Variants in PLXNC1 observed in about 807,000 individuals in gnomAD.
The protein encoded by PLXNC1 is plexin-C1.
PLXNC1 carries 75 observed loss-of-function variants against 178.2 expected under a neutral mutation model. The observed-to-expected ratio is 0.42, with a 90% CI of 0.35 to 0.51. The LOEUF is 0.51. Ranked by LOEUF, PLXNC1 falls within the 20% of genes least tolerant of loss-of-function variation. The pLI, the probability that PLXNC1 is intolerant of heterozygous loss-of-function variation, is 0.02. For synonymous variants in PLXNC1, 790 were observed against 779.9 expected (o/e 1.01, Z -0.22); for missense variants, 1,503 against 1,984.4 (o/e 0.76, Z 4.61).
chr12:94,305,030 A>AACAACTTGCAAAGTGAGTATGT (rs1968855274), intron 30 of PLXNC1, 151 bp from the exon 31 acceptor site: 4 of 602,600 alleles, frequency 6.6e-6, no homozygotes, highest in Non-Finnish European at 1.2e-5. Context: ...GACTTAGCAA[A>AACAACTTGCAAAGTGAGTATGT]ACAACTTGCA....
rs1964359775 is a variant in PLXNC1 at position 94,240,542 on chromosome 12, C to A, written c.2178C>A (p.Ser726Arg). 10 of 1,613,780 alleles carry A rather than the reference C, an allele frequency of 6.2e-6. No individual in the cohort carries two copies. The highest frequency in any genetic ancestry group is 1.3e-5 in the African/African-American group (1 of 74,904). ...ACATGAAATTCTCTCTTCCATCAAGCCGGAAAGAAATGAAGGATGTGTGTA... is the reference window on the plus strand; with the variant it reads ...ACATGAAATTCTCTCTTCCATCAAGACGGAAAGAAATGAAGGATGTGTGTA... ...DTHMKFSLPS[S>R]RKEMKDVCIQ... Residue 726 changes from serine (S) to arginine (R), a missense_variant, in exon 11 of 31, where the codon AGC (serine) becomes AGA (arginine). This residue lies in a region of PLXNC1 where 615 missense variants were observed against 698.6 expected (regional missense o/e 0.88). Coordinates refer to ENST00000258526, the MANE Select transcript of PLXNC1 (RefSeq NM_005761.3).
chr12:94,287,563 G>A lies in PLXNC1; in HGVS notation c.3879+5162G>A, dbSNP rs184848416. Among the ~76,000 whole-genome samples the A allele has an allele frequency of 2.1e-3, 323 of 152,298 alleles. 1 individual carries two copies. Among genetic ancestry groups the A allele is most frequent in the African/African-American group, 7.5e-3 (311 of 41,552 alleles). Reference sequence around the variant, plus strand: ...AAATTTTCTCTAAAGATTACACTTCGAGTTCTGAGCTGCAAGGTTTTGAGA... The same window carrying A: ...AAATTTTCTCTAAAGATTACACTTCAAGTTCTGAGCTGCAAGGTTTTGAGA... On this transcript the variant is annotated intron_variant, in intron 23 of 30. Coordinates refer to ENST00000258526, the MANE Select transcript of PLXNC1 (RefSeq NM_005761.3).
At chr12:94,245,505 AC>A (rs55935213) in intron 12 of PLXNC1, among the ~76,000 whole-genome samples, 57,550 of 151,838 alleles carry the variant, frequency 0.38, 12,143 homozygotes, top group South Asian at 0.48. Context: ...ACATAGTGAG[AC>A]CCCCATCTCT....
At chr12:94,163,312 C>T (rs1297048097) in intron 1 of PLXNC1, among the ~76,000 whole-genome samples, 6 of 151,982 alleles carry the variant, frequency 3.9e-5, no homozygotes, top group Non-Finnish European at 7.4e-5. Flanking sequence ...GAGCCGAGAT[C>T]GTGCCACTAC....
At chr12:94,210,594 A>G (rs1409100210) in intron 5 of PLXNC1, among the ~76,000 whole-genome samples, 2 of 152,242 alleles carry the variant, frequency 1.3e-5, no homozygotes, top group Non-Finnish European at 2.9e-5. Flanking sequence ...TTTCAGAGAA[A>G]TAGCAAGAAC....
chr12:94,214,853 G>T (rs907400314), intron 5 of PLXNC1, among the ~76,000 whole-genome samples: 1 of 151,888 alleles, frequency 6.6e-6, no homozygotes. Flanking sequence ...AGCTTAAGCC[G>T]TTCTTTGTAA....
At chr12:94,272,973 G>C (rs1440906928) in intron 21 of PLXNC1, among the ~76,000 whole-genome samples, 1 of 152,150 alleles carries the variant, frequency 6.6e-6, no homozygotes. Context: ...TCATCACCTT[G>C]GCTGGCCTCT....
chr12:94,193,352 T>C (rs192015779), intron 4 of PLXNC1, among the ~76,000 whole-genome samples: 27 of 152,158 alleles, frequency 1.8e-4, no homozygotes, highest in Non-Finnish European at 1.6e-4. Flanking sequence ...AGGGACTGAA[T>C]TAGAATGATA....
intron 11 of PLXNC1, among the ~76,000 whole-genome samples, chr12:94,243,109 A>G: frequency 6.6e-6 from 1 of 152,222 alleles, no homozygotes; most frequent in East Asian, 1.9e-4. Flanking sequence ...CATGAGGCCA[A>G]CTCAGCCCTT....
At chr12:94,230,229 C>G (rs1964061394) in intron 9 of PLXNC1, among the ~76,000 whole-genome samples, 2 of 152,202 alleles carry the variant, frequency 1.3e-5, no homozygotes. Flanking sequence ...GCTCTTTTAA[C>G]TCAACATAAT....
intron 2 of PLXNC1, among the ~76,000 whole-genome samples, chr12:94,175,612 T>C (rs1962022476): frequency 6.6e-6 from 1 of 152,238 alleles, no homozygotes; most frequent in Non-Finnish European, 1.5e-5. Context: ...AAACAATATG[T>C]TGACACGAAC....
chr12:94,172,072 T>C (rs1336987827), intron 2 of PLXNC1, among the ~76,000 whole-genome samples: 1 of 152,192 alleles, frequency 6.6e-6, no homozygotes, highest in African/African-American at 2.4e-5. Flanking sequence ...TTCAGAAGCT[T>C]TCAGCTTCTC....
chr12:94,220,183 T>G lies in PLXNC1; in HGVS notation c.1702+20T>G. The G allele has an allele frequency of 6.2e-7, 1 of 1,604,428 alleles. No individual in the cohort carries two copies. The highest frequency in any genetic ancestry group is 8.5e-7 in the Non-Finnish European group (1 of 1,175,216). The stretch of plus-strand genomic sequence containing the variant: ...ACAAAGGTATGTGGATTCTTCTGGG[T>G]TATTTTTGTTATAAAATCAAAAAAA... On this transcript the variant is annotated intron_variant, in intron 6 of 30. Transcript: ENST00000258526.
intron 2 of PLXNC1, among the ~76,000 whole-genome samples, chr12:94,170,157 CT>C (rs764471161): frequency 1.3e-5 from 2 of 152,214 alleles, no homozygotes; most frequent in Non-Finnish European, 2.9e-5. Context: ...AATGGTAGAT[CT>C]GTTTCCCTCA....
rs1253795216 is a variant in PLXNC1 at position 94,247,984 on chromosome 12, G to C, written c.2470G>C (p.Val824Leu). The C allele has an allele frequency of 6.2e-7, 1 of 1,614,170 alleles. No homozygotes were observed. Among genetic ancestry groups the C allele is most frequent in the East Asian group, 2.2e-5 (1 of 44,886 alleles). Residue 824 changes from valine (V) to leucine (L), a missense_variant, in exon 13 of 31, where the codon GTG becomes CTG. Physicochemically the swap from Val to Leu is conservative, Grantham distance 32. Around this residue, in one of 4 missense-constraint regions of PLXNC1, gnomAD observed 639 missense variants for 979.7 expected, o/e 0.65. Transcript: ENST00000258526. The part of the protein sequence containing the change: ...KSSKVRTNVT[V>L]KLRVQDTYLD... ...TTCAAAAGTGCGCACGAATGTCACT[G>C]TGAAGCTGAGAGTACAAGACACCTA...
At chr12:94,164,128 G>C (rs1189639583) in intron 1 of PLXNC1, among the ~76,000 whole-genome samples, 6 of 152,060 alleles carry the variant, frequency 3.9e-5, no homozygotes, top group Admixed American at 3.3e-4. Flanking sequence ...GCTCCTTCAG[G>C]GGTTTCCTAA....
At chr12:94,283,358 G>T (rs2136151443) in intron 23 of PLXNC1, among the ~76,000 whole-genome samples, 1 of 152,024 alleles carries the variant, frequency 6.6e-6, no homozygotes, top group East Asian at 1.9e-4. Flanking sequence ...ACTTGAGAGG[G>T]GCAATGGAGA....
chr12:94,298,266 C>T (rs1436989626), intron 26 of PLXNC1, among the ~76,000 whole-genome samples: 1 of 152,228 alleles, frequency 6.6e-6, no homozygotes, highest in Non-Finnish European at 1.5e-5. Flanking sequence ...AGCAGCATCA[C>T]TTGAGCTTTT....
chr12:94,177,075 G>A (rs1340092605), intron 2 of PLXNC1, among the ~76,000 whole-genome samples: 1 of 130,656 alleles, frequency 7.7e-6, no homozygotes, highest in Non-Finnish European at 1.6e-5. Context: ...GTGTGTGTGT[G>A]TGTATATATA....
Sources: gnomAD v4.1 joint callset for allele counts (sites outside exome capture counted in the v4.1 genomes callset) on GRCh38, gnomAD v4.1.1 for gene constraint, gnomAD v4.1.1 regional missense constraint, MANE v1.5 for transcripts, NCBI Gene and HGNC (gene_info 2026-07-23, HGNC 2026-07-21) for gene names.